Variants in MTUS2 observed in about 807,000 individuals in gnomAD.
MTUS2 encodes the protein microtubule-associated tumor suppressor candidate 2.
MTUS2 carries 40 observed loss-of-function variants against 114.1 expected under a neutral mutation model. That is an observed-to-expected ratio of 0.35 (90% CI 0.27 to 0.46). The LOEUF is 0.46. Among genes scored for constraint, MTUS2 ranks in the 20% least tolerant of loss-of-function variants. The probability of loss-of-function intolerance (pLI) is 1.00; values close to 1 mark genes in which losing one functional copy is unlikely to be tolerated. For synonymous variants in MTUS2, 688 were observed against 672.0 expected, an observed-to-expected ratio of 1.02 and a Z score of -0.37; for missense variants, 1,679 against 1,705.4, an observed-to-expected ratio of 0.98 and a Z score of 0.27.
intron 5 of MTUS2, among the ~76,000 whole-genome samples, chr13:29,262,162 A>G (rs980781029): frequency 6.6e-6 from 1 of 152,234 alleles, no homozygotes; most frequent in African/African-American, 2.4e-5. Context: ...AGTCAGTGTT[A>G]GCACTCCTGG....
chr13:29,420,951 C>A (rs1876052209), intron 8 of MTUS2, among the ~76,000 whole-genome samples: 1 of 152,180 alleles, frequency 6.6e-6, no homozygotes, highest in African/African-American at 2.4e-5. Flanking sequence ...TCAGTAGCAA[C>A]CTTCCTATTT....
intron 5 of MTUS2, among the ~76,000 whole-genome samples, chr13:29,206,433 C>G (rs1275480677): frequency 6.6e-6 from 1 of 152,084 alleles, no homozygotes; most frequent in Non-Finnish European, 1.5e-5. Context: ...CTATTTATCT[C>G]TGTTTTTCTT....
At chr13:29,341,001 T>G (rs965176338) in intron 7 of MTUS2, among the ~76,000 whole-genome samples, 2 of 152,242 alleles carry the variant, frequency 1.3e-5, no homozygotes, top group African/African-American at 4.8e-5. Flanking sequence ...TAAGGCTGAT[T>G]AGTATTTCAT....
At chr13:29,244,721 C>A (rs1481169324) in intron 5 of MTUS2, among the ~76,000 whole-genome samples, 2 of 151,846 alleles carry the variant, frequency 1.3e-5, no homozygotes, top group Non-Finnish European at 2.9e-5. Flanking sequence ...CTTTGGGAGG[C>A]CGAGGCGGGC....
chr13:29,149,887 A>C (rs990458351), intron 5 of MTUS2, among the ~76,000 whole-genome samples: 7 of 152,186 alleles, frequency 4.6e-5, no homozygotes. Context: ...CTGTTCTTGT[A>C]GCAGTACCAT....
chr13:29,279,225 A>T (rs1898177930), intron 5 of MTUS2, among the ~76,000 whole-genome samples: 1 of 152,040 alleles, frequency 6.6e-6, no homozygotes, highest in Non-Finnish European at 1.5e-5. Flanking sequence ...TGGTATTCAA[A>T]CCCTAGCCAT....
chr13:28,883,533 A>G (rs1459799008), intron 2 of MTUS2, among the ~76,000 whole-genome samples: 1 of 152,250 alleles, frequency 6.6e-6, no homozygotes, highest in African/African-American at 2.4e-5. Context: ...GTGGATTGAA[A>G]AAAAGCCAAT....
At chr13:29,272,399 C>G (rs1034221598) in intron 5 of MTUS2, among the ~76,000 whole-genome samples, 3 of 152,190 alleles carry the variant, frequency 2.0e-5, no homozygotes, top group African/African-American at 7.2e-5. Flanking sequence ...ATGATGCCAT[C>G]TTCTTATTAA....
chr13:29,159,439 A>G (rs1353619107), intron 5 of MTUS2, among the ~76,000 whole-genome samples: 1 of 152,200 alleles, frequency 6.6e-6, no homozygotes, highest in East Asian at 1.9e-4. Flanking sequence ...AGGATCTAGG[A>G]CTAAGCAAAG....
intron 5 of MTUS2, among the ~76,000 whole-genome samples, chr13:29,260,181 A>C (rs1263033612): frequency 6.6e-6 from 1 of 152,274 alleles, no homozygotes; most frequent in East Asian, 1.9e-4. Flanking sequence ...AGTTGTTTGA[A>C]AGGCAGCACC....
chr13:28,932,892 G>A (rs1404362947), intron 2 of MTUS2, among the ~76,000 whole-genome samples: 1 of 152,072 alleles, frequency 6.6e-6, no homozygotes, highest in Non-Finnish European at 1.5e-5. Context: ...CTTAGAAGAT[G>A]ATATGATATA....
At chr13:29,285,874 T>G (rs986156704) in intron 6 of MTUS2, among the ~76,000 whole-genome samples, 3 of 152,134 alleles carry the variant, frequency 2.0e-5, no homozygotes, top group African/African-American at 7.2e-5. Context: ...CAAAAAAACT[T>G]TGGAAGATAT....
At chr13:28,968,286 C>T (rs774852797) in intron 2 of MTUS2, among the ~76,000 whole-genome samples, 8 of 152,114 alleles carry the variant, frequency 5.3e-5, no homozygotes, top group Non-Finnish European at 8.8e-5. Context: ...TAAAGGCCCA[C>T]ATATCATATG....
chr13:29,051,607 A>G (rs1566327062), intron 4 of MTUS2, among the ~76,000 whole-genome samples: 1 of 152,206 alleles, frequency 6.6e-6, no homozygotes, highest in Non-Finnish European at 1.5e-5. Context: ...GCTAGTATAG[A>G]GGGTGGAAAA....
At chr13:29,244,829 G>A (rs1022019225) in intron 5 of MTUS2, among the ~76,000 whole-genome samples, 4 of 149,114 alleles carry the variant, frequency 2.7e-5, no homozygotes, top group African/African-American at 7.4e-5. Flanking sequence ...AGTGGCGGGC[G>A]CCTGTAGTCC....
At chr13:29,310,861 T>C (rs1175693665) in intron 6 of MTUS2, among the ~76,000 whole-genome samples, 2 of 152,208 alleles carry the variant, frequency 1.3e-5, no homozygotes, top group Non-Finnish European at 2.9e-5. Flanking sequence ...TGCCATAATT[T>C]AGGGTTTCTG....
At chr13:29,154,944 C>T (rs1030646905) in intron 5 of MTUS2, among the ~76,000 whole-genome samples, 3 of 152,144 alleles carry the variant, frequency 2.0e-5, no homozygotes, top group Admixed American at 6.6e-5. Context: ...AACATTGTCC[C>T]TTTTAACAGG....
Position 29,149,281 on chromosome 13 carries a change from T to C in MTUS2, c.2644+48311T>C, listed in dbSNP as rs760874573. ...TGCATTTCTCTAATGATCAATGATA[T>C]TGAGCTTTTTTTCTTATGTTTGTTG... On this transcript the variant is annotated intron_variant, in intron 5 of 15. Transcript: ENST00000612955. 8.5e-5 allele frequency among the ~76,000 whole-genome samples: 13 copies of C among 152,330 alleles called. No homozygotes were observed. The South Asian group carries it at 1.0e-3, about 12-fold the overall frequency.
intron 7 of MTUS2, among the ~76,000 whole-genome samples, chr13:29,325,405 G>A (rs549083123): frequency 1.0e-4 from 15 of 147,634 alleles, no homozygotes; most frequent in South Asian, 2.2e-4. Flanking sequence ...GCAGTGAGCC[G>A]AGATCACGCC....
Sources: gnomAD v4.1 joint callset for allele counts (sites outside exome capture counted in the v4.1 genomes callset) on GRCh38, gnomAD v4.1.1 for gene constraint, MANE v1.5 for transcripts, NCBI Gene and HGNC (gene_info 2026-07-23, HGNC 2026-07-21) for gene names.